The following PPP1R13B variants were observed in gnomAD, a reference collection of about 807,000 sequenced individuals.
PPP1R13B encodes apoptosis-stimulating of p53 protein 1.
PPP1R13B carries 44 observed loss-of-function variants against 119.8 expected under a neutral mutation model. The ratio of observed to expected loss-of-function variants is 0.37; its 90% CI spans 0.29 to 0.47. The LOEUF (loss-of-function observed/expected upper bound fraction) is 0.47, where lower values mean the gene tolerates loss of function less well. PPP1R13B is among the 20% of genes least tolerant of loss of function. The pLI is 0.99. For missense variants in PPP1R13B, 1,227 were observed against 1,413.5 expected, an observed-to-expected ratio of 0.87 and a Z score of 2.12; for synonymous variants, 542 against 561.5, an observed-to-expected ratio of 0.97 and a Z score of 0.49.
rs1333371041 is a variant in PPP1R13B, at chr14:103,753,057, A to G, written c.771T>C (p.Asn257=). 5 of 1,614,188 alleles carry G rather than the reference A, an allele frequency of 3.1e-6. No individual in the cohort carries two copies. Among genetic ancestry groups the G allele is most frequent in the South Asian group, 1.1e-5 (1 of 91,084 alleles). The change falls in exon 7 of 17, where the codon AAT becomes AAC. Residue 257 remains asparagine (N), a synonymous_variant. Coordinates refer to ENST00000202556, the MANE Select transcript of PPP1R13B (RefSeq NM_015316.3). ...CCGCCGCTGGTCCCGTCAATTTGCC[A>G]TTGTAAGACTGGAACCCATTCAGTT... is the stretch of plus-strand genomic sequence containing the variant. ...KGKLNGFQSY[N]GKLTGPAAVE...
intron 1 of PPP1R13B, among the ~76,000 whole-genome samples, chr14:103,846,006 G>A (rs933546470): frequency 6.6e-6 from 1 of 152,162 alleles, no homozygotes; most frequent in Non-Finnish European, 1.5e-5. Context: ...CTACTTTAGA[G>A]GTAATTCCAG....
chr14:103,781,700 G>C (rs2085338735), intron 3 of PPP1R13B, among the ~76,000 whole-genome samples: 1 of 152,104 alleles, frequency 6.6e-6, no homozygotes, highest in Non-Finnish European at 1.5e-5. Flanking sequence ...CGCCCAGGCT[G>C]GAGTGTAGTG....
intron 1 of PPP1R13B, among the ~76,000 whole-genome samples, chr14:103,807,080 C>G (rs143036793): frequency 6.6e-6 from 1 of 152,312 alleles, no homozygotes; most frequent in African/African-American, 2.4e-5. Flanking sequence ...CAGTGCTTAC[C>G]ACACTCTTCA....
At chr14:103,748,525 G>A (rs941156418) in intron 8 of PPP1R13B, among the ~76,000 whole-genome samples, 1 of 152,226 alleles carries the variant, frequency 6.6e-6, no homozygotes, top group Non-Finnish European at 1.5e-5. Flanking sequence ...GCAGAAGGGA[G>A]ATGTGGGAAG....
chr14:103,794,485 C>T, intron 2 of PPP1R13B: 1 of 251,780 alleles, frequency 4.0e-6, no homozygotes, highest in Non-Finnish European at 8.1e-6. Context: ...CACCACCATG[C>T]CCAGCTAATT....
intron 2 of PPP1R13B, among the ~76,000 whole-genome samples, chr14:103,791,804 T>A (rs1048064273): frequency 6.6e-6 from 1 of 152,228 alleles, no homozygotes; most frequent in Non-Finnish European, 1.5e-5. Context: ...TTTTTTTATA[T>A]ACACATATGC....
intron 1 of PPP1R13B, among the ~76,000 whole-genome samples, chr14:103,828,809 T>C (rs1241269582): frequency 1.3e-5 from 2 of 152,202 alleles, no homozygotes; most frequent in Admixed American, 1.3e-4. Flanking sequence ...GAATCCCCCA[T>C]TAGGAGCTGC....
chr14:103,835,422 G>A (rs1178522776), intron 1 of PPP1R13B, among the ~76,000 whole-genome samples: 1 of 147,724 alleles, frequency 6.8e-6, no homozygotes, highest in Admixed American at 6.8e-5. Flanking sequence ...ACTGCGCCCA[G>A]CACTTTTTTT....
rs561976920 is a variant in PPP1R13B at position 103,782,878 on chromosome 14, C to T, written c.277+1917G>A. ...GAGTGCAATGGCGCGATCTCGGGCTCACTGTAACCTCTGCCTCCCAGGTTC... is the reference window on the plus strand; with the variant it reads ...GAGTGCAATGGCGCGATCTCGGGCTTACTGTAACCTCTGCCTCCCAGGTTC... On this transcript the variant is annotated intron_variant, in intron 3 of 16. Coordinates refer to ENST00000202556, the MANE Select transcript of PPP1R13B (RefSeq NM_015316.3). Among the ~76,000 whole-genome samples, 35 of 151,936 alleles carry T rather than the reference C, an allele frequency of 2.3e-4. No individual in the cohort carries two copies. In the South Asian group the frequency reaches 7.3e-3, roughly 32 times the overall value.
chr14:103,733,610 T>C lies in PPP1R13B; in HGVS notation c.*1544A>G, dbSNP rs2084010014. ...CACTCACTATTTCACTTTATTAAGA[T>C]GACTGTACAGCAATTTGTATATAAA... On this transcript the variant is annotated 3_prime_UTR_variant, in exon 17 of 17. Coordinates refer to ENST00000202556, the MANE Select transcript of PPP1R13B (RefSeq NM_015316.3). 6.5e-6 allele frequency: 1 copy of C among 152,994 alleles called. No individual in the cohort carries two copies. The highest frequency in any genetic ancestry group is 1.5e-5 in the Non-Finnish European group (1 of 68,292). The allele number at this position is 152,994 out of a possible 1,614,324, so 9.5% of individuals were successfully genotyped here.
intron 1 of PPP1R13B, among the ~76,000 whole-genome samples, chr14:103,799,753 A>G (rs547275953): frequency 6.6e-6 from 1 of 152,016 alleles, no homozygotes; most frequent in Non-Finnish European, 1.5e-5. Context: ...CAATACACCT[A>G]AAGTAAAAAT....
intron 1 of PPP1R13B, among the ~76,000 whole-genome samples, chr14:103,840,998 T>A (rs951300817): frequency 1.3e-5 from 2 of 151,846 alleles, no homozygotes; most frequent in Non-Finnish European, 2.9e-5. Context: ...TAATTAAAAA[T>A]TTTTTTTGCC....
intron 15 of PPP1R13B, 111 bp downstream of exon 15, chr14:103,737,583 A>T (rs2151960332): frequency 2.3e-6 from 3 of 1,327,740 alleles, no homozygotes; most frequent in Non-Finnish European, 2.0e-6. Flanking sequence ...CTCCTGTCTT[A>T]AAAAAAACAA....
At chr14:103,787,452 G>GT (rs1409466663) in intron 2 of PPP1R13B, among the ~76,000 whole-genome samples, 1 of 150,970 alleles carries the variant, frequency 6.6e-6, no homozygotes, top group African/African-American at 2.4e-5. Context: ...GTGAGACTCT[G>GT]TCTCAAAAAA....
intron 4 of PPP1R13B, among the ~76,000 whole-genome samples, chr14:103,775,034 T>A (rs1437441423): frequency 6.6e-6 from 1 of 152,120 alleles, no homozygotes; most frequent in Non-Finnish European, 1.5e-5. Flanking sequence ...ATATACACAT[T>A]ATCTCCTTAT....
chr14:103,823,293 C>T (rs376472063), intron 1 of PPP1R13B, among the ~76,000 whole-genome samples: 1 of 151,144 alleles, frequency 6.6e-6, no homozygotes, highest in South Asian at 2.1e-4. Flanking sequence ...GAGCTGAGAT[C>T]GCGCCACTGC....
chr14:103,742,301 G>A lies in PPP1R13B; in HGVS notation c.1321-10C>T, dbSNP rs1392625889. 6.5e-7 allele frequency: 1 copy of A among 1,530,400 alleles called. No homozygotes were observed. The highest frequency in any genetic ancestry group is 1.4e-5 in the African/African-American group (1 of 72,480). 94.8% of individuals were successfully genotyped at this position (1,530,400 alleles called of 1,614,324 possible). A position where few individuals can be genotyped will look rare whatever the true frequency, so the allele number is the denominator to read the frequency against. ...TACCAATCTCGATGCCCTAAGTTTAGGTGTTAAGAAGAAAAACAAAGTCAC... is the reference window on the plus strand; with the variant it reads ...TACCAATCTCGATGCCCTAAGTTTAAGTGTTAAGAAGAAAAACAAAGTCAC... On this transcript the variant is annotated splice_polypyrimidine_tract_variant and intron_variant, in intron 10 of 16. Transcript: ENST00000202556. The surrounding 1 kb of genome is among the most constrained non-coding windows in gnomAD (Gnocchi z 4.9).
intron 1 of PPP1R13B, among the ~76,000 whole-genome samples, chr14:103,841,392 A>G (rs1440725323): frequency 2.0e-5 from 3 of 151,770 alleles, no homozygotes. Context: ...GTTTGTGACC[A>G]GCCTGGCCAA....
intron 1 of PPP1R13B, among the ~76,000 whole-genome samples, chr14:103,804,774 C>G (rs2085978752): frequency 6.6e-6 from 1 of 152,024 alleles, no homozygotes; most frequent in East Asian, 1.9e-4. Flanking sequence ...ATCCTATAAT[C>G]AAAGAGACAG....
Sources: gnomAD v4.1 joint callset for allele counts (sites outside exome capture counted in the v4.1 genomes callset) on GRCh38, gnomAD v4.1.1 for gene constraint, Gnocchi (gnomAD v3.1) non-coding constraint, MANE v1.5 for transcripts, NCBI Gene and HGNC (gene_info 2026-07-23, HGNC 2026-07-21) for gene names.